CD53: variants seen among roughly 807,000 people sequenced by gnomAD.
The protein encoded by CD53 is CD53 molecule, also known as leukocyte surface antigen CD53.
In CD53, 20 loss-of-function variants were observed where a neutral mutation model predicts 27.3. The observed-to-expected ratio is 0.73, with a 90% confidence interval of 0.52 to 1.07. The LOEUF is 1.07. Ranked by LOEUF, CD53 falls within the 50% of genes least tolerant of loss-of-function variation. The pLI is 0.00. For synonymous variants in CD53, 106 were observed against 105.3 expected (o/e 1.01, Z -0.04); for missense variants, 216 against 264.0 (o/e 0.82, Z 1.26).
chr1:110,875,518 G>A (rs1656094075), intron 1 of CD53, among the ~76,000 whole-genome samples: 1 of 152,190 alleles, frequency 6.6e-6, no homozygotes, highest in Admixed American at 6.5e-5. Context: ...TTCTGTTCCA[G>A]GAAGTACTGC....
At chr1:110,894,549 G>T in intron 4 of CD53, 148 bp downstream of exon 4, 2 of 608,152 alleles carry the variant, frequency 3.3e-6, no homozygotes, top group Non-Finnish European at 2.9e-6. Context: ...AATTGTAATT[G>T]GGGGGAAAAT....
intron 3 of CD53, 36 bp from the exon 4 acceptor site, chr1:110,894,291 G>A (rs953450486): frequency 1.3e-6 from 2 of 1,583,264 alleles, no homozygotes; most frequent in African/African-American, 2.7e-5. Flanking sequence ...CGAGAATGGG[G>A]ATCAGTGCTG....
chr1:110,896,799 T>C, intron 6 of CD53, 66 bp downstream of exon 6: 1 of 1,402,708 alleles, frequency 7.1e-7, no homozygotes, highest in Non-Finnish European at 1.0e-6. Flanking sequence ...CCTCGGAAAC[T>C]GCAGTCATAG....
chr1:110,892,709 C>T, intron 3 of CD53, 176 bp downstream of exon 3: 1 of 604,054 alleles, frequency 1.7e-6, no homozygotes, highest in East Asian at 2.8e-5. Context: ...TGACTAGGGT[C>T]CCACGGACAG....
chr1:110,899,624 C>A lies in CD53; in HGVS notation c.*429C>A. ...AGTTGAAGGGAGTTCTGGGGCCAGG[C>A]TCACTGGACCATTGTCACAACCCTC... On this transcript the variant is annotated 3_prime_UTR_variant, in exon 8 of 8. Coordinates refer to ENST00000271324, the MANE Select transcript of CD53 (RefSeq NM_000560.4). 1 of 170,580 alleles carries A rather than the reference C, an allele frequency of 5.9e-6. No homozygotes were observed. Among genetic ancestry groups the A allele is most frequent in the South Asian group, 1.4e-4 (1 of 7,222 alleles). 10.6% of individuals were successfully genotyped at this position (170,580 alleles called of 1,614,324 possible). A position where few individuals can be genotyped will look rare whatever the true frequency, so the allele number is the denominator to read the frequency against.
chr1:110,890,371 A>C (rs765065408), intron 1 of CD53, among the ~76,000 whole-genome samples: 4 of 152,170 alleles, frequency 2.6e-5, no homozygotes, highest in Non-Finnish European at 5.9e-5. Flanking sequence ...GTTTGAGGCC[A>C]GACTAGGCAA....
intron 3 of CD53, among the ~76,000 whole-genome samples, chr1:110,893,321 T>A (rs1397665696): frequency 6.6e-6 from 1 of 152,212 alleles, no homozygotes; most frequent in African/African-American, 2.4e-5. Flanking sequence ...TTTGTTTTTT[T>A]CTTCTTGTTG....
Position 110,899,641 on chromosome 1 carries a change from A to G in CD53, c.*446A>G. On this transcript the variant is annotated 3_prime_UTR_variant, in exon 8 of 8. Transcript: ENST00000271324. ...GGGCCAGGCTCACTGGACCATTGTC[A>G]CAACCCTCTGTTTCTCTTTGACTAA... The G allele has an allele frequency of 6.0e-6, 1 of 165,550 alleles. No homozygotes were observed. The highest frequency in any genetic ancestry group is 1.9e-4 in the East Asian group (1 of 5,404). 10.3% of individuals were successfully genotyped at this position (165,550 alleles called of 1,614,324 possible).
chr1:110,886,869 A>ATATATATATATATATATATATTTT (rs1298376721), intron 1 of CD53, among the ~76,000 whole-genome samples: 3 of 82,786 alleles, frequency 3.6e-5, no homozygotes, highest in African/African-American at 1.1e-4. Context: ...ATATATATAT[A>ATATATATATATATATATATATTTT]TTTTTTTTTT....
intron 5 of CD53, among the ~76,000 whole-genome samples, chr1:110,895,871 C>G (rs1020285491): frequency 6.6e-6 from 1 of 152,086 alleles, no homozygotes; most frequent in African/African-American, 2.4e-5. Context: ...AAAGCAAATA[C>G]TAGACAATAT....
At chr1:110,891,295 C>T in intron 1 of CD53, 97 bp from the exon 2 acceptor site, 1 of 868,718 alleles carries the variant, frequency 1.2e-6, no homozygotes, top group Non-Finnish European at 1.9e-6. Flanking sequence ...CAGCTCAAAC[C>T]CAAGGTAATG....
chr1:110,894,522 T>C (rs1331514107), intron 4 of CD53, 121 bp downstream of exon 4: 2 of 774,510 alleles, frequency 2.6e-6, no homozygotes, highest in Non-Finnish European at 4.4e-6. Context: ...AGTGGAAGGA[T>C]AGAGGAAACA....
At chr1:110,892,297 C>T in intron 2 of CD53, 48 bp from the exon 3 acceptor site, 4 of 1,387,212 alleles carry the variant, frequency 2.9e-6, no homozygotes, top group Non-Finnish European at 4.1e-6. Context: ...GAGGAGATAC[C>T]CAAGAACCAC....
At chr1:110,894,247 C>A in intron 3 of CD53, 80 bp from the exon 4 acceptor site, 2 of 1,239,766 alleles carry the variant, frequency 1.6e-6, no homozygotes, top group Non-Finnish European at 2.4e-6. Context: ...GTGCAAATGC[C>A]CCTGGATGCT....
At chr1:110,883,487 G>C (rs1482950165) in intron 1 of CD53, among the ~76,000 whole-genome samples, 1 of 151,832 alleles carries the variant, frequency 6.6e-6, no homozygotes, top group South Asian at 2.1e-4. Flanking sequence ...ATCTTGTTCT[G>C]AGGAACATTG....
intron 1 of CD53, among the ~76,000 whole-genome samples, chr1:110,884,463 A>G (rs1656487010): frequency 6.6e-6 from 1 of 152,128 alleles, no homozygotes; most frequent in Admixed American, 6.5e-5. Context: ...GGAGTGTTCT[A>G]TCACAATCAG....
rs1291220986 is a variant in CD53, at chr1:110,899,459, G to A, written c.*264G>A. ...ATATCTGAGCATCTTTTAGACAAGA[G>A]AGGCAAAGACAAACTGGATTTAATG... On this transcript the variant is annotated 3_prime_UTR_variant, in exon 8 of 8. Transcript: ENST00000271324. The A allele has an allele frequency of 2.8e-6, 1 of 352,896 alleles. No individual in the cohort carries two copies. Among genetic ancestry groups the A allele is most frequent in the Non-Finnish European group, 5.3e-6 (1 of 189,510 alleles). The allele number at this position is 352,896 out of a possible 1,614,324, so 21.9% of individuals were successfully genotyped here. A position where few individuals can be genotyped will look rare whatever the true frequency, so the allele number is the denominator to read the frequency against.
At position 110,886,777 on chromosome 1, in the gene CD53, G is replaced by A. The variant is rs561304850; in HGVS notation, c.-17-4615G>A. Among the ~76,000 whole-genome samples, 3 of 150,806 alleles carry A rather than the reference G, an allele frequency of 2.0e-5. No homozygotes were observed. The South Asian group carries it at 6.3e-4, about 32-fold the overall frequency. On this transcript the variant is annotated intron_variant, in intron 1 of 7. Coordinates refer to ENST00000271324, the MANE Select transcript of CD53 (RefSeq NM_000560.4). ...GCAGAATTGCTTGAATCCAGGAGGTGGAGGCTGCCGTGAGCCAAGATCACG... is the reference window on the plus strand; with the variant it reads ...GCAGAATTGCTTGAATCCAGGAGGTAGAGGCTGCCGTGAGCCAAGATCACG...
chr1:110,898,614 G>C (rs1336039900), intron 7 of CD53, among the ~76,000 whole-genome samples: 1 of 152,022 alleles, frequency 6.6e-6, no homozygotes, highest in African/African-American at 2.4e-5. Flanking sequence ...TCTGTGCTTA[G>C]TTTGACAAGT....
Sources: allele counts gnomAD v4.1 joint callset (sites outside exome capture counted in the v4.1 genomes callset), GRCh38; gene constraint gnomAD v4.1.1; transcripts MANE v1.5; gene names NCBI Gene and HGNC (gene_info 2026-07-23, HGNC 2026-07-21).